WIPF2: variants seen among roughly 807,000 people sequenced by gnomAD.
WIPF2 encodes WAS/WASL interacting protein family member 2, also known as WAS/WASL-interacting protein family member 2.
WIPF2 carries 23 observed loss-of-function variants against 38.8 expected under a neutral mutation model. The ratio of observed to expected loss-of-function variants is 0.59; its 90% CI spans 0.43 to 0.84. The LOEUF (loss-of-function observed/expected upper bound fraction) is 0.84. Ranked by LOEUF, WIPF2 falls within the 40% of genes least tolerant of loss-of-function variation. The pLI is 0.00. For synonymous variants in WIPF2, 210 were observed against 223.2 expected (o/e 0.94, Z 0.53); for missense variants, 574 against 580.5 (o/e 0.99, Z 0.11).
chr17:40,265,714 G>A (rs1012690836), intron 5 of WIPF2, among the ~76,000 whole-genome samples: 21 of 152,252 alleles, frequency 1.4e-4, no homozygotes, highest in African/African-American at 4.1e-4. Context: ...AGGGGAGAGC[G>A]CACTGCAGGA....
intron 5 of WIPF2, among the ~76,000 whole-genome samples, chr17:40,272,738 T>C (rs1334397662): frequency 6.6e-6 from 1 of 152,206 alleles, no homozygotes; most frequent in Non-Finnish European, 1.5e-5. Context: ...TAATTTGGTT[T>C]ATTCAGCAAA....
intron 2 of WIPF2, among the ~76,000 whole-genome samples, chr17:40,258,584 C>T (rs192550074): frequency 7.7e-4 from 117 of 151,908 alleles, no homozygotes; most frequent in Non-Finnish European, 1.4e-3. Flanking sequence ...GAGCGAGACT[C>T]TGTCTCAAAA....
chr17:40,261,986 G>A (rs1279110795), intron 3 of WIPF2, among the ~76,000 whole-genome samples: 1 of 151,390 alleles, frequency 6.6e-6, no homozygotes, highest in Non-Finnish European at 1.5e-5. Flanking sequence ...GGCTTCACTC[G>A]TTCTTTCTCT....
rs1407772274 is a variant in WIPF2 at position 40,278,564 on chromosome 17, G to C, written c.*339G>C. On this transcript the variant is annotated 3_prime_UTR_variant, in exon 8 of 8. Transcript: ENST00000323571. ...ATGAATTAACTCACTGTTAGGGCAG[G>C]GTGGAGAATGGTACTCCTTCCTTCT... 3.7e-6 allele frequency: 1 copy of C among 273,286 alleles called. No homozygotes were observed. The highest frequency in any genetic ancestry group is 7.0e-6 in the Non-Finnish European group (1 of 142,192). The allele number at this position is 273,286 out of a possible 1,614,324, so 16.9% of individuals were successfully genotyped here. A position where few individuals can be genotyped will look rare whatever the true frequency, so the allele number is the denominator to read the frequency against.
At chr17:40,261,807 C>G (rs570240587) in intron 3 of WIPF2, among the ~76,000 whole-genome samples, 1 of 151,570 alleles carries the variant, frequency 6.6e-6, no homozygotes, top group Non-Finnish European at 1.5e-5. Context: ...CTGCCTCAGC[C>G]TCCCGAGTAG....
At chr17:40,229,355 C>A (rs570252522) in intron 1 of WIPF2, among the ~76,000 whole-genome samples, 11 of 152,124 alleles carry the variant, frequency 7.2e-5, no homozygotes, top group Non-Finnish European at 1.0e-4. Context: ...GATCCGCCCA[C>A]CTCGGCGTCC....
chr17:40,256,096 TAAAAAAAAAAAA>T (rs892748332), intron 1 of WIPF2, among the ~76,000 whole-genome samples: 3 of 96,978 alleles, frequency 3.1e-5, no homozygotes, highest in Non-Finnish European at 2.1e-5. Flanking sequence ...CCAGGGTCTT[TAAAAAAAAAAAA>T]AAAAAAAAAA....
At chr17:40,266,105 G>A (rs953759544) in intron 5 of WIPF2, among the ~76,000 whole-genome samples, 1 of 152,034 alleles carries the variant, frequency 6.6e-6, no homozygotes, top group African/African-American at 2.4e-5. Context: ...GTCACCTAAG[G>A]AGTGAATATA....
intron 1 of WIPF2, among the ~76,000 whole-genome samples, chr17:40,252,706 G>A (rs952460662): frequency 6.6e-6 from 1 of 150,794 alleles, no homozygotes; most frequent in Non-Finnish European, 1.5e-5. Context: ...AGGACCTCTG[G>A]TGACTGGAAT....
intron 5 of WIPF2, 59 bp downstream of exon 5, chr17:40,265,205 C>T (rs923365472): frequency 6.6e-7 from 1 of 1,517,690 alleles, no homozygotes; most frequent in East Asian, 2.3e-5. Flanking sequence ...TATCTTTCCC[C>T]AGAGCACTCC....
Position 40,262,641 on chromosome 17 carries a change from G to A in WIPF2, c.313G>A (p.Glu105Lys), listed in dbSNP as rs1172210439. ...ACCTGTGGGAGCCAAGGATGGTTCA[G>A]GTATCTGATGAGTACTTTCCCAGGG... ...LRPVGAKDGS[E>K]NLAGKPALQI... The change falls in exon 4 of 8, where the codon GAG (glutamate) becomes AAG (lysine). Residue 105 changes from glutamate (E) to lysine (K), a missense_variant and splice_region_variant. Coordinates refer to ENST00000323571, the MANE Select transcript of WIPF2 (RefSeq NM_133264.5). The A allele has an allele frequency of 6.2e-7, 1 of 1,611,534 alleles. No homozygotes were observed. The highest frequency in any genetic ancestry group is 8.5e-7 in the Non-Finnish European group (1 of 1,177,812).
rs369232042 is a variant in WIPF2 at position 40,263,553 on chromosome 17, C to T, written c.313+912C>T. ...TTTTATTTTATTTATTCGTCCCCCC[C>T]CCCCCCGCAAATGGAGTCTTGCTCT... On this transcript the variant is annotated intron_variant, in intron 4 of 7. Coordinates refer to ENST00000323571, the MANE Select transcript of WIPF2 (RefSeq NM_133264.5). Among the ~76,000 whole-genome samples the T allele has an allele frequency of 4.2e-5, 6 of 143,782 alleles. 2 individuals are homozygous for T. In the Admixed American group the frequency reaches 4.2e-4, roughly 10 times the overall value. 94.3% of individuals were successfully genotyped at this position (143,782 alleles called of 152,430 possible). A position where few individuals can be genotyped will look rare whatever the true frequency, so the allele number is the denominator to read the frequency against.
intron 1 of WIPF2, among the ~76,000 whole-genome samples, chr17:40,241,531 C>T (rs2031190715): frequency 6.6e-6 from 1 of 152,112 alleles, no homozygotes; most frequent in Admixed American, 6.6e-5. Context: ...TAACTTTGGG[C>T]TTGTGTGACT....
rs776217113 is a variant in WIPF2, at chr17:40,264,767, C to T, written c.591C>T (p.Ser197=). The T allele has an allele frequency of 6.2e-7, 1 of 1,605,696 alleles. No individual in the cohort carries two copies. The highest frequency in any genetic ancestry group is 8.5e-7 in the Non-Finnish European group (1 of 1,176,016). ...NAPPTPLPMH[S]SKAPAYNREK... The stretch of plus-strand genomic sequence containing the variant: ...CCCCCACACCTCTGCCTATGCACAG[C>T]AGCAAAGCCCCCGCCTACAACAGAG... Residue 197 remains serine, a synonymous_variant, in exon 5 of 8, where the codon AGC becomes AGT. Transcript: ENST00000323571.
intron 1 of WIPF2, among the ~76,000 whole-genome samples, chr17:40,221,217 T>C (rs1294625867): frequency 6.6e-6 from 1 of 152,208 alleles, no homozygotes; most frequent in Non-Finnish European, 1.5e-5. Context: ...TTTTTGGCTA[T>C]TCTGTTCTCC....
At chr17:40,268,689 C>T (rs1004159699) in intron 5 of WIPF2, among the ~76,000 whole-genome samples, 2 of 152,000 alleles carry the variant, frequency 1.3e-5, no homozygotes, top group Admixed American at 6.6e-5. Context: ...CCTTGGCCTC[C>T]CGAAGCCCTG....
At chr17:40,278,084 G>T (rs539001327) in intron 7 of WIPF2, 101 bp from the exon 8 acceptor site, 27 of 1,365,890 alleles carry the variant, frequency 2.0e-5, no homozygotes, top group South Asian at 1.0e-4. Context: ...GATTTTAAAG[G>T]TTAGCTTAAA....
chr17:40,255,401 CA>C (rs1778516331), intron 1 of WIPF2, among the ~76,000 whole-genome samples: 1 of 151,946 alleles, frequency 6.6e-6, no homozygotes, highest in Non-Finnish European at 1.5e-5. Context: ...CTGCTCACCC[CA>C]ACAACCTCTG....
chr17:40,254,066 G>C (rs1031269803), intron 1 of WIPF2, among the ~76,000 whole-genome samples: 1 of 151,388 alleles, frequency 6.6e-6, no homozygotes, highest in Non-Finnish European at 1.5e-5. Context: ...ATCCAGGTTG[G>C]AGTGCAGTGG....
Sources: gnomAD v4.1 joint callset for allele counts (sites outside exome capture counted in the v4.1 genomes callset) on GRCh38, gnomAD v4.1.1 for gene constraint, MANE v1.5 for transcripts, NCBI Gene and HGNC (gene_info 2026-07-23, HGNC 2026-07-21) for gene names.